FBXL17: variants seen among roughly 807,000 people sequenced by gnomAD.
FBXL17 encodes F-box/LRR-repeat protein 17.
FBXL17 carries 22 observed loss-of-function variants against 66.2 expected under a neutral mutation model. The observed-to-expected ratio is 0.33, with a 90% CI of 0.24 to 0.47. FBXL17 has a LOEUF of 0.47. Ranked by LOEUF, FBXL17 falls within the 20% of genes least tolerant of loss-of-function variation. FBXL17 has a pLI of 1.00. For synonymous variants in FBXL17, 474 were observed against 400.5 expected, an observed-to-expected ratio of 1.18 and a Z score of -2.19; for missense variants, 878 against 948.2, an observed-to-expected ratio of 0.93 and a Z score of 0.97.
At chr5:108,008,279 T>C (rs1447660326) in intron 7 of FBXL17, among the ~76,000 whole-genome samples, 1 of 152,202 alleles carries the variant, frequency 6.6e-6, no homozygotes, top group Non-Finnish European at 1.5e-5. Context: ...TCTGTTCCAA[T>C]TTATAATTTT....
At position 108,149,377 on chromosome 5, in the gene FBXL17, A is replaced by G. The variant is rs909202424; in HGVS notation, c.1745+36740T>C. 2.0e-5 allele frequency among the ~76,000 whole-genome samples: 3 copies of G among 152,346 alleles called. No homozygotes were observed. The East Asian group carries it at 5.8e-4, about 29-fold the overall frequency. On this transcript the variant is annotated intron_variant, in intron 6 of 8. Transcript: ENST00000542267. ...TTATCTGTCATTTGAAGAATATCTTAGCTACAAATTCTTTCCTTCAAAGAT... is the reference window on the plus strand; with the variant it reads ...TTATCTGTCATTTGAAGAATATCTTGGCTACAAATTCTTTCCTTCAAAGAT...
intron 6 of FBXL17, among the ~76,000 whole-genome samples, chr5:108,088,393 C>A (rs1327753693): frequency 6.6e-6 from 1 of 152,032 alleles, no homozygotes; most frequent in East Asian, 1.9e-4. Flanking sequence ...TTGACTTCTA[C>A]CACACTAAAC....
At chr5:108,115,913 T>G (rs1441183646) in intron 6 of FBXL17, among the ~76,000 whole-genome samples, 2 of 152,176 alleles carry the variant, frequency 1.3e-5, no homozygotes, top group Admixed American at 6.5e-5. Context: ...TAAAATGAGC[T>G]TGTCCAAAAT....
rs1050503099 is a variant in FBXL17 at position 107,908,045 on chromosome 5, G to A, written c.1823-26866C>T. Among the ~76,000 whole-genome samples, 9 of 152,080 alleles carry A rather than the reference G, an allele frequency of 5.9e-5. No individual in the cohort carries two copies. The East Asian group carries it at 1.4e-3, about 23-fold the overall frequency. On this transcript the variant is annotated intron_variant, in intron 7 of 8. Transcript: ENST00000542267. ...CAACAGCAAAGACTTGGAACCAACC[G>A]AAATGTCCAACAATGATAGACTGGA...
At chr5:108,247,788 C>CATCACAATCATCA (rs1756171641) in intron 4 of FBXL17, among the ~76,000 whole-genome samples, 1 of 152,138 alleles carries the variant, frequency 6.6e-6, no homozygotes, top group South Asian at 2.1e-4. Context: ...CTACATGATA[C>CATCACAATCATCA]TTGTGAGTGA....
chr5:107,918,228 T>C (rs1431852124), intron 7 of FBXL17, among the ~76,000 whole-genome samples: 1 of 152,180 alleles, frequency 6.6e-6, no homozygotes, highest in Non-Finnish European at 1.5e-5. Context: ...CTGGAGGCTG[T>C]GGGGCTGGGG....
intron 8 of FBXL17, among the ~76,000 whole-genome samples, chr5:107,866,199 G>C (rs772821496): frequency 3.3e-5 from 5 of 151,854 alleles, no homozygotes; most frequent in African/African-American, 4.8e-5. Context: ...TTTAAAAAAT[G>C]CAATGTATCT....
intron 4 of FBXL17, among the ~76,000 whole-genome samples, chr5:108,302,964 C>G (rs936333639): frequency 1.3e-5 from 2 of 151,782 alleles, no homozygotes; most frequent in African/African-American, 4.8e-5. Context: ...GTACCTAACA[C>G]ATAAACCTGC....
intron 4 of FBXL17, among the ~76,000 whole-genome samples, chr5:108,304,453 T>C (rs770239987): frequency 6.6e-6 from 1 of 151,958 alleles, no homozygotes; most frequent in Non-Finnish European, 1.5e-5. Context: ...CTGAATAAAC[T>C]TGAATGATAT....
chr5:107,922,487 T>C (rs1265485001), intron 7 of FBXL17, among the ~76,000 whole-genome samples: 1 of 151,854 alleles, frequency 6.6e-6, no homozygotes, highest in Non-Finnish European at 1.5e-5. Context: ...ACATAATAGG[T>C]TAAAAAACCC....
intron 4 of FBXL17, among the ~76,000 whole-genome samples, chr5:108,233,222 G>T (rs1048629810): frequency 6.6e-6 from 1 of 151,642 alleles, no homozygotes; most frequent in African/African-American, 2.4e-5. Flanking sequence ...TTTTCTTAAT[G>T]GTGTTCTTAG....
At chr5:108,055,280 GAAAAAAA>G (rs1000211060) in intron 6 of FBXL17, among the ~76,000 whole-genome samples, 8 of 23,704 alleles carry the variant, frequency 3.4e-4, no homozygotes, top group Non-Finnish European at 5.5e-4. Flanking sequence ...AGAATTTTTA[GAAAAAAA>G]AAAAAAAAAA....
chr5:108,314,355 T>A (rs1759256679), intron 4 of FBXL17, among the ~76,000 whole-genome samples: 1 of 151,702 alleles, frequency 6.6e-6, no homozygotes, highest in African/African-American at 2.4e-5. Context: ...TTAAATTATA[T>A]TTACAAAGAC....
intron 5 of FBXL17, among the ~76,000 whole-genome samples, chr5:108,223,687 A>G (rs1172585281): frequency 6.6e-6 from 1 of 152,160 alleles, no homozygotes; most frequent in Non-Finnish European, 1.5e-5. Flanking sequence ...CTGAGCCACA[A>G]TGTAAATTTT....
At chr5:108,090,396 C>A (rs1749143723) in intron 6 of FBXL17, among the ~76,000 whole-genome samples, 1 of 152,182 alleles carries the variant, frequency 6.6e-6, no homozygotes, top group Non-Finnish European at 1.5e-5. Flanking sequence ...CACCCTTTCA[C>A]AATGCCTTCC....
At chr5:108,353,556 G>C (rs1747778642) in intron 3 of FBXL17, among the ~76,000 whole-genome samples, 1 of 152,170 alleles carries the variant, frequency 6.6e-6, no homozygotes, top group South Asian at 2.1e-4. Flanking sequence ...TTTGAAATAT[G>C]CCAGAGCATT....
At chr5:108,300,071 T>C (rs1758517082) in intron 4 of FBXL17, among the ~76,000 whole-genome samples, 1 of 152,092 alleles carries the variant, frequency 6.6e-6, no homozygotes, top group South Asian at 2.1e-4. Flanking sequence ...ATATCAGCAG[T>C]TCACTTAAGA....
chr5:107,951,519 C>T (rs147533542), intron 7 of FBXL17, among the ~76,000 whole-genome samples: 1 of 152,168 alleles, frequency 6.6e-6, no homozygotes, highest in Admixed American at 6.5e-5. Flanking sequence ...ATGCACCTAC[C>T]CTGCTAGACT....
chr5:108,003,390 C>T (rs185215151), intron 7 of FBXL17, among the ~76,000 whole-genome samples: 60 of 152,120 alleles, frequency 3.9e-4, no homozygotes, highest in Admixed American at 1.4e-3. Flanking sequence ...AAAGCACATC[C>T]GTTAACACAG....
Sources: allele counts gnomAD v4.1 joint callset (sites outside exome capture counted in the v4.1 genomes callset), GRCh38; gene constraint gnomAD v4.1.1; transcripts MANE v1.5; gene names NCBI Gene and HGNC (gene_info 2026-07-23, HGNC 2026-07-21).